Variants in RAD17 observed in about 807,000 individuals in gnomAD.
RAD17 encodes cell cycle checkpoint protein RAD17.
Under a neutral mutation model 81.5 loss-of-function variants are expected in RAD17, and 31 were observed. The observed-to-expected ratio is 0.38, with a 90% CI of 0.29 to 0.51. RAD17 has a LOEUF of 0.51. Ranked by LOEUF, RAD17 falls within the 20% of genes least tolerant of loss-of-function variation. RAD17 has a pLI of 0.88. For missense variants in RAD17, 681 were observed against 781.2 expected, an observed-to-expected ratio of 0.87 and a Z score of 1.53; for synonymous variants, 261 against 266.2, an observed-to-expected ratio of 0.98 and a Z score of 0.19.
intron 18 of RAD17, among the ~76,000 whole-genome samples, chr5:69,410,997 A>ATATATATATATATAT (rs1765959430): frequency 7.0e-6 from 1 of 143,064 alleles, no homozygotes; most frequent in Non-Finnish European, 1.5e-5. Context: ...ATATATATAT[A>ATATATATATATATAT]CTGTTCATTT....
chr5:69,376,368 C>T (rs986914749), intron 6 of RAD17, among the ~76,000 whole-genome samples: 1 of 152,234 alleles, frequency 6.6e-6, no homozygotes, highest in African/African-American at 2.4e-5. Flanking sequence ...ACAGTTATTA[C>T]TGGCATTTTT....
intron 15 of RAD17, 136 bp from the exon 16 acceptor site, chr5:69,396,261 T>C (rs1764880204): frequency 1.2e-6 from 1 of 856,256 alleles, no homozygotes. Context: ...AGTGCTGTTA[T>C]TTATAGGGCT....
upstream of RAD17, chr5:69,369,401 C>T (rs1031371956): frequency 2.3e-5 from 37 of 1,586,540 alleles, no homozygotes; most frequent in Non-Finnish European, 3.2e-5. Context: ...GCGCCCGATG[C>T]CCAGAGCACT....
rs757663923 is a variant in RAD17 at position 69,371,558 on chromosome 5, G to A, written c.-176+1G>A. On this transcript the variant is annotated splice_donor_variant, in intron 3 of 18. Transcript: ENST00000354868. LOFTEE classifies it low-confidence loss of function (5UTR_SPLICE). ...TAGACCAAAGGTATCTTCCACAAAG[G>A]TATGATACACTGGAATGGCCATGTA... 1.4e-6 allele frequency: 2 copies of A among 1,425,864 alleles called. No individual in the cohort carries two copies. Among genetic ancestry groups the A allele is most frequent in the East Asian group, 2.5e-5 (1 of 39,832 alleles). 88.3% of individuals were successfully genotyped at this position (1,425,864 alleles called of 1,614,324 possible). A position where few individuals can be genotyped will look rare whatever the true frequency, so the allele number is the denominator to read the frequency against.
intron 11 of RAD17, among the ~76,000 whole-genome samples, chr5:69,386,913 A>C (rs1239275813): frequency 1.4e-5 from 2 of 146,340 alleles, no homozygotes; most frequent in African/African-American, 5.0e-5. Context: ...ACATTCATAT[A>C]CAGCTGTTGT....
intron 11 of RAD17, among the ~76,000 whole-genome samples, chr5:69,387,053 C>T (rs1764257778): frequency 6.6e-6 from 1 of 151,590 alleles, no homozygotes; most frequent in South Asian, 2.1e-4. Context: ...GCCTCCCAAG[C>T]AGCTGGGACT....
chr5:69,369,914 G>C lies in RAD17; in HGVS notation c.-436G>C. 1.8e-6 allele frequency: 1 copy of C among 568,856 alleles called. No individual in the cohort carries two copies. 35.2% of individuals were successfully genotyped at this position (568,856 alleles called of 1,614,324 possible). On this transcript the variant is annotated 5_prime_UTR_variant, in exon 1 of 19. Transcript: ENST00000354868. ...GGTCGCCTCCGCTCTTCGCCTAAAA[G>C]GGGATGCAGCTCCGGGAAAGTAAGG...
At chr5:69,410,977 A>ATATATATG (rs1246887093) in intron 18 of RAD17, among the ~76,000 whole-genome samples, 2 of 142,524 alleles carry the variant, frequency 1.4e-5, no homozygotes, top group African/African-American at 2.6e-5. Flanking sequence ...ATATATATAT[A>ATATATATG]TATATATATA....
At chr5:69,386,564 A>G (rs1392118343) in intron 11 of RAD17, 99 bp downstream of exon 11, 5 of 1,275,476 alleles carry the variant, frequency 3.9e-6, no homozygotes, top group Non-Finnish European at 5.0e-6. Context: ...ATTTTTTAGA[A>G]TTAAAACATT....
chr5:69,388,848 T>G (rs927307261), intron 11 of RAD17, among the ~76,000 whole-genome samples, 186 bp from the exon 12 acceptor site: 7 of 152,146 alleles, frequency 4.6e-5, no homozygotes, highest in Non-Finnish European at 8.8e-5. Context: ...GCTCAAGTGA[T>G]CCTCCTGCCT....
chr5:69,408,170 T>C (rs1164109174), intron 17 of RAD17, among the ~76,000 whole-genome samples: 1 of 151,550 alleles, frequency 6.6e-6, no homozygotes, highest in Non-Finnish European at 1.5e-5. Flanking sequence ...GGTCACACTT[T>C]CCTGTTTCTT....
At chr5:69,370,131 A>G (rs979427858) in intron 1 of RAD17, 198 bp downstream of exon 1, 6 of 196,016 alleles carry the variant, frequency 3.1e-5, no homozygotes, top group Non-Finnish European at 6.2e-5. Context: ...CACTGATTAC[A>G]GGATTACGTT....
rs1561231310 is a variant in RAD17 at position 69,372,057 on chromosome 5, A to C, written c.-152A>C. The C allele has an allele frequency of 7.5e-7, 1 of 1,334,162 alleles. No homozygotes were observed. The highest frequency in any genetic ancestry group is 9.9e-7 in the Non-Finnish European group (1 of 1,010,542). 82.6% of individuals were successfully genotyped at this position (1,334,162 alleles called of 1,614,324 possible). ...AGTATATGGGAGTCCACATTTATGT[A>C]AGAAATGAAACTATAAAATGTATAA... On this transcript the variant is annotated 5_prime_UTR_variant, in exon 4 of 19. An upstream open reading frame in the 5' UTR loses its in-frame stop. Coordinates refer to ENST00000354868, the MANE Select transcript of RAD17 (RefSeq NM_133338.3).
chr5:69,386,465 G>C lies in RAD17; in HGVS notation c.894G>C (p.Lys298Asn), dbSNP rs372161990. The change falls in exon 11 of 19, where the codon AAG becomes AAC. Residue 298 changes from lysine (K) to asparagine (N), a missense_variant and splice_region_variant. By Grantham distance (94) the Lys-to-Asn change is moderately conservative. Transcript: ENST00000354868. ...LNRIVTIEANKNGGKITVPDK... is the reference protein window; with the variant it reads ...LNRIVTIEANNNGGKITVPDK... ...GAATAGTGACTATAGAAGCTAACAA[G>C]GTAAGTCTCTGATTAATTAAACCTT... 4 of 1,583,842 alleles carry C rather than the reference G, an allele frequency of 2.5e-6. No individual in the cohort carries two copies. In the African/African-American group the frequency reaches 4.1e-5, roughly 16 times the overall value.
upstream of RAD17, chr5:69,369,785 G>T (rs1204138522): frequency 1.6e-5 from 23 of 1,398,158 alleles, no homozygotes; most frequent in Non-Finnish European, 2.3e-5. Context: ...CCCTTCGCTT[G>T]CGCCGACCAG....
chr5:69,412,164 G>T (rs112121202), intron 18 of RAD17, among the ~76,000 whole-genome samples: 350 of 152,066 alleles, frequency 2.3e-3, no homozygotes, highest in Non-Finnish European at 4.3e-3. Context: ...CACTGTGTTA[G>T]CCAGGATGGT....
At chr5:69,393,578 T>C in intron 15 of RAD17, 78 bp downstream of exon 15, 1 of 1,299,180 alleles carries the variant, frequency 7.7e-7, no homozygotes, top group South Asian at 1.4e-5. Flanking sequence ...CTTTTATCCC[T>C]AATTGCCTGA....
intron 18 of RAD17, 46 bp downstream of exon 18, chr5:69,410,596 T>G: frequency 6.5e-7 from 1 of 1,535,844 alleles, no homozygotes; most frequent in Non-Finnish European, 9.0e-7. Flanking sequence ...ATGAAATGTC[T>G]ACTGAATATG....
chr5:69,414,582 T>C lies in RAD17; in HGVS notation c.*290T>C, dbSNP rs763169559. On this transcript the variant is annotated 3_prime_UTR_variant, in exon 19 of 19. Transcript: ENST00000354868. Reference sequence around the variant, plus strand: ...GAACATTATGCCAAATATCAAGATGTGAAGGACTAATTCAGGATGCAAAAA... The same window carrying C: ...GAACATTATGCCAAATATCAAGATGCGAAGGACTAATTCAGGATGCAAAAA... 5.9e-5 allele frequency: 26 copies of C among 438,822 alleles called. No individual in the cohort carries two copies. Among genetic ancestry groups the C allele is most frequent in the Non-Finnish European group, 8.9e-5 (22 of 246,312 alleles). The allele number at this position is 438,822 out of a possible 1,614,324, so 27.2% of individuals were successfully genotyped here.
Sources: allele counts gnomAD v4.1 joint callset (sites outside exome capture counted in the v4.1 genomes callset), GRCh38; gene constraint gnomAD v4.1.1; transcripts MANE v1.5; gene names NCBI Gene and HGNC (gene_info 2026-07-23, HGNC 2026-07-21).